The following CHD7 variants were observed in gnomAD, a reference collection of about 807,000 sequenced individuals.
CHD7 encodes ATP-dependent chromatin remodeler CHD7.
A neutral mutation model predicts 307.3 loss-of-function variants in CHD7; 24 were observed. The observed-to-expected ratio is 0.08, with a 90% CI of 0.06 to 0.11. The LOEUF (loss-of-function observed/expected upper bound fraction) is 0.11. Ranked by LOEUF, CHD7 falls within the 10% of genes least tolerant of loss-of-function variation. The pLI is 1.00. For synonymous variants in CHD7, 1,363 were observed against 1,349.9 expected, an observed-to-expected ratio of 1.01 and a Z score of -0.21; for missense variants, 3,106 against 3,727.1, an observed-to-expected ratio of 0.83 and a Z score of 4.34.
chr8:60,843,449 C>G (rs1381877777), intron 21 of CHD7, among the ~76,000 whole-genome samples: 1 of 152,214 alleles, frequency 6.6e-6, no homozygotes, highest in Non-Finnish European at 1.5e-5. Flanking sequence ...CGCAGATTGT[C>G]TTTCAGTCGA....
chr8:60,843,997 A>C (rs1805084808), intron 21 of CHD7, among the ~76,000 whole-genome samples: 1 of 152,180 alleles, frequency 6.6e-6, no homozygotes, highest in African/African-American at 2.4e-5. Context: ...TGCTCCAAAC[A>C]CAACTCTCAG....
chr8:60,848,387 G>GC, intron 23 of CHD7, 128 bp from the exon 24 acceptor site: 1 of 636,374 alleles, frequency 1.6e-6, no homozygotes, highest in Non-Finnish European at 2.8e-6. Context: ...CACGCTTCAA[G>GC]CCTACCATAC....
intron 1 of CHD7, among the ~76,000 whole-genome samples, chr8:60,707,903 A>G (rs1350957104): frequency 6.6e-6 from 1 of 152,242 alleles, no homozygotes; most frequent in East Asian, 1.9e-4. Context: ...TGCCAGGTAC[A>G]TGCAAGTTTG....
chr8:60,690,282 T>C (rs149564488), intron 1 of CHD7, among the ~76,000 whole-genome samples: 54 of 152,328 alleles, frequency 3.5e-4, no homozygotes, highest in African/African-American at 1.3e-3. Flanking sequence ...TGTACATGTT[T>C]ATAGTTTTTT....
chr8:60,820,147 A>G, intron 9 of CHD7, 57 bp downstream of exon 9: 1 of 1,125,644 alleles, frequency 8.9e-7, no homozygotes, highest in South Asian at 1.4e-5. Flanking sequence ...ATACATGTTT[A>G]TAGAGAAGAT....
At chr8:60,717,780 A>G (rs531713171) in intron 1 of CHD7, among the ~76,000 whole-genome samples, 6 of 152,290 alleles carry the variant, frequency 3.9e-5, no homozygotes, top group African/African-American at 1.2e-4. Context: ...CACATTACCC[A>G]TGGGTTTGTG....
intron 37 of CHD7, chr8:60,863,231 T>A (rs144832645): frequency 6.6e-5 from 10 of 152,242 alleles, no homozygotes; most frequent in Middle Eastern, 3.4e-3. Flanking sequence ...CACCCCGAGT[T>A]CCCTCACACC....
chr8:60,855,881 T>C (rs974330545), intron 32 of CHD7, 94 bp from the exon 33 acceptor site: 11 of 814,454 alleles, frequency 1.4e-5, no homozygotes, highest in Admixed American at 4.9e-5. Flanking sequence ...CTTTTAAACA[T>C]TTTATGCTCT....
In CHD7 at chr8:60,838,072, A is replaced by G; in HGVS notation, c.4354-4A>G. 1 of 1,486,110 alleles carries G rather than the reference A, an allele frequency of 6.7e-7. No individual in the cohort carries two copies. Among genetic ancestry groups the G allele is most frequent in the Non-Finnish European group, 8.9e-7 (1 of 1,117,616 alleles). The allele number at this position is 1,486,110 out of a possible 1,614,324, so 92.1% of individuals were successfully genotyped here. ...TGAGTATTTTAAATATTTCTCTAAAACAGGTACAACAGCTTTCCAAGAAAG... is the reference window on the plus strand; with the variant it reads ...TGAGTATTTTAAATATTTCTCTAAAGCAGGTACAACAGCTTTCCAAGAAAG... On this transcript the variant is annotated splice_region_variant and splice_polypyrimidine_tract_variant and intron_variant, in intron 18 of 37. Coordinates refer to ENST00000423902, the MANE Select transcript of CHD7 (RefSeq NM_017780.4).
intron 1 of CHD7, among the ~76,000 whole-genome samples, chr8:60,714,869 G>A (rs1423746252): frequency 2.0e-5 from 3 of 152,252 alleles, no homozygotes; most frequent in Admixed American, 1.3e-4. Flanking sequence ...AATGCCTGTT[G>A]CTGACATAGC....
chr8:60,699,061 A>G (rs1463757328), intron 1 of CHD7, among the ~76,000 whole-genome samples: 1 of 152,224 alleles, frequency 6.6e-6, no homozygotes, highest in Non-Finnish European at 1.5e-5. Flanking sequence ...GGAGCTTTCA[A>G]ATAAACATGG....
chr8:60,679,327 C>T lies in CHD7; in HGVS notation c.-175+245C>T, dbSNP rs565659459. 2.7e-3 allele frequency among the ~76,000 whole-genome samples: 391 copies of T among 146,264 alleles called. 4 individuals are homozygous for T. Among genetic ancestry groups the T allele is most frequent in the African/African-American group, 9.3e-3 (380 of 40,704 alleles). ...CCCGAACCCGCGCCCCGAGCGCCGC[C>T]CGGCGCCCCAACTTTTGCCTGCGTC... On this transcript the variant is annotated intron_variant, in intron 1 of 37. Transcript: ENST00000423902.
intron 13 of CHD7, among the ~76,000 whole-genome samples, chr8:60,827,400 C>G (rs1804302378): frequency 6.6e-6 from 1 of 152,022 alleles, no homozygotes; most frequent in Admixed American, 6.6e-5. Flanking sequence ...AACTGGGAGA[C>G]ACGATATCAA....
At chr8:60,704,480 G>T (rs1806919996) in intron 1 of CHD7, among the ~76,000 whole-genome samples, 2 of 151,988 alleles carry the variant, frequency 1.3e-5, no homozygotes, top group South Asian at 2.1e-4. Flanking sequence ...TTGCCCAAAG[G>T]TTCTGCGGCT....
intron 1 of CHD7, among the ~76,000 whole-genome samples, chr8:60,738,034 C>A (rs62524950): frequency 0.018 from 2,769 of 152,210 alleles, 53 homozygotes; most frequent in South Asian, 0.058. Context: ...AACATAAATG[C>A]AACTTGAATG....
chr8:60,817,516 TGTG>T (rs1803806933), intron 8 of CHD7, among the ~76,000 whole-genome samples: 2 of 152,182 alleles, frequency 1.3e-5, no homozygotes, highest in East Asian at 3.8e-4. Context: ...TGGGAGATCA[TGTG>T]GTTGTTCTTT....
At chr8:60,706,088 G>A (rs547358185) in intron 1 of CHD7, among the ~76,000 whole-genome samples, 3 of 151,628 alleles carry the variant, frequency 2.0e-5, no homozygotes, top group African/African-American at 4.8e-5. Flanking sequence ...TTTTTTAATG[G>A]TCCTGAGCTA....
intron 14 of CHD7, among the ~76,000 whole-genome samples, chr8:60,829,139 G>T (rs777231246): frequency 6.6e-6 from 1 of 152,196 alleles, no homozygotes; most frequent in Non-Finnish European, 1.5e-5. Context: ...CGCCACTGAC[G>T]TTGGTAGGCC....
chr8:60,692,810 C>A (rs779161433), intron 1 of CHD7, among the ~76,000 whole-genome samples: 2 of 152,102 alleles, frequency 1.3e-5, no homozygotes, highest in Non-Finnish European at 2.9e-5. Context: ...TTCTTCCTAC[C>A]CCCTCAATAT....
Sources: gnomAD v4.1 joint callset for allele counts (sites outside exome capture counted in the v4.1 genomes callset) on GRCh38, gnomAD v4.1.1 for gene constraint, MANE v1.5 for transcripts, NCBI Gene and HGNC (gene_info 2026-07-23, HGNC 2026-07-21) for gene names.